Variants in SLC25A13 observed in about 807,000 individuals in gnomAD.
The protein encoded by SLC25A13 is electrogenic aspartate/glutamate antiporter SLC25A13, mitochondrial.
SLC25A13 carries 70 observed loss-of-function variants against 85.5 expected under a neutral mutation model. That is an observed-to-expected ratio of 0.82 (90% confidence interval 0.68 to 1.00). SLC25A13 has a LOEUF of 1.00. SLC25A13 is among the 50% of genes least tolerant of loss of function. SLC25A13 has a pLI of 0.00. For synonymous variants in SLC25A13, 259 were observed against 288.7 expected (o/e 0.90, Z 1.04); for missense variants, 765 against 819.8 (o/e 0.93, Z 0.82).
In SLC25A13 at chr7:96,191,369, CTA is replaced by C. The variant is rs1311219740; in HGVS notation, c.616-124_616-123del. The C allele has an allele frequency of 3.8e-6, 4 of 1,044,966 alleles. No homozygotes were observed. The Admixed American group carries it at 1.0e-4, about 26-fold the overall frequency. 64.7% of individuals were successfully genotyped at this position (1,044,966 alleles called of 1,614,324 possible). ...AAAATGCATGTACAAGAAGAAATGA[CTA>C]TAAGTATTTTTCTTTTGCATTAAAA... On this transcript the variant is annotated intron_variant, in intron 6 of 17. Transcript: ENST00000265631.
chr7:96,227,578 C>T (rs1796369137), intron 4 of SLC25A13, among the ~76,000 whole-genome samples: 2 of 152,036 alleles, frequency 1.3e-5, no homozygotes, highest in South Asian at 4.1e-4. Context: ...GGAGAATATA[C>T]AATAATGTAA....
rs914864953 is a variant in SLC25A13 at position 96,321,925 on chromosome 7, C to G, written c.15+17G>C. On this transcript the variant is annotated intron_variant, in intron 1 of 17. Transcript: ENST00000265631. ...ATCCGGCAGGCGCGCTCCCCCCGGC[C>G]TCGGGCCCGCGGTTACCTTGGCGGC... The G allele has an allele frequency of 2.6e-6, 4 of 1,530,562 alleles. No individual in the cohort carries two copies. In the African/African-American group the frequency reaches 4.3e-5, roughly 16 times the overall value. The allele number at this position is 1,530,562 out of a possible 1,614,324, so 94.8% of individuals were successfully genotyped here.
intron 11 of SLC25A13, among the ~76,000 whole-genome samples, chr7:96,172,916 G>A (rs1294815436): frequency 2.0e-5 from 3 of 152,088 alleles, no homozygotes; most frequent in African/African-American, 7.2e-5. Context: ...CTGCCACCAC[G>A]CCCGGCTAAT....
At chr7:96,315,413 T>G (rs1168115842) in intron 1 of SLC25A13, among the ~76,000 whole-genome samples, 1 of 152,204 alleles carries the variant, frequency 6.6e-6, no homozygotes, top group Non-Finnish European at 1.5e-5. Context: ...CAGTTTTTTA[T>G]ACCAGTCCAG....
intron 1 of SLC25A13, among the ~76,000 whole-genome samples, chr7:96,298,487 G>A (rs1439255998): frequency 1.3e-5 from 2 of 151,818 alleles, no homozygotes; most frequent in African/African-American, 2.4e-5. Flanking sequence ...AGGCTGGAGT[G>A]CAATGATGCA....
intron 4 of SLC25A13, among the ~76,000 whole-genome samples, chr7:96,227,846 C>A (rs1438821111): frequency 6.6e-6 from 1 of 152,094 alleles, no homozygotes; most frequent in Non-Finnish European, 1.5e-5. Flanking sequence ...ATCTTCCTGA[C>A]CCGGAGGAAA....
At chr7:96,254,501 C>T (rs546169034) in intron 3 of SLC25A13, among the ~76,000 whole-genome samples, 2 of 152,144 alleles carry the variant, frequency 1.3e-5, no homozygotes, top group African/African-American at 4.8e-5. Flanking sequence ...TAATAAATGT[C>T]TTCATTTATT....
intron 11 of SLC25A13, among the ~76,000 whole-genome samples, chr7:96,182,655 C>T (rs1439755246): frequency 6.6e-6 from 1 of 152,204 alleles, no homozygotes; most frequent in Admixed American, 6.5e-5. Flanking sequence ...TACTCAGGCA[C>T]ACTTCTAGTT....
At chr7:96,204,116 A>C (rs144855381) in intron 5 of SLC25A13, among the ~76,000 whole-genome samples, 6 of 152,330 alleles carry the variant, frequency 3.9e-5, no homozygotes, top group African/African-American at 1.4e-4. Context: ...ATTACTGGTA[A>C]ATGCAAAATT....
chr7:96,219,432 G>A (rs1796019233), intron 4 of SLC25A13, among the ~76,000 whole-genome samples: 1 of 152,154 alleles, frequency 6.6e-6, no homozygotes, highest in Non-Finnish European at 1.5e-5. Context: ...GATGGAACTA[G>A]CCTGAGTTAA....
At chr7:96,321,672 G>A (rs1800350108) in intron 1 of SLC25A13, among the ~76,000 whole-genome samples, 1 of 152,132 alleles carries the variant, frequency 6.6e-6, no homozygotes, top group Non-Finnish European at 1.5e-5. Flanking sequence ...GCTCAGCCCC[G>A]TCAGGCACCA....
At chr7:96,122,046 A>G (rs757594753) in intron 15 of SLC25A13, 49 bp from the exon 16 acceptor site, 1 of 1,610,958 alleles carries the variant, frequency 6.2e-7, no homozygotes, top group South Asian at 1.1e-5. Context: ...TTCTCACTAT[A>G]TAAAAATAAC....
intron 4 of SLC25A13, among the ~76,000 whole-genome samples, chr7:96,219,202 G>C (rs533614003): frequency 6.6e-6 from 1 of 152,252 alleles, no homozygotes; most frequent in African/African-American, 2.4e-5. Context: ...ATAGTAAGTA[G>C]AGCATAAGTA....
At chr7:96,132,562 A>G (rs1216587276) in intron 14 of SLC25A13, among the ~76,000 whole-genome samples, 1 of 152,200 alleles carries the variant, frequency 6.6e-6, no homozygotes, top group Non-Finnish European at 1.5e-5. Flanking sequence ...TCTTCAACAA[A>G]TAGTTTCTGT....
At chr7:96,314,839 CT>C (rs1800072966) in intron 1 of SLC25A13, among the ~76,000 whole-genome samples, 1 of 152,146 alleles carries the variant, frequency 6.6e-6, no homozygotes, top group Non-Finnish European at 1.5e-5. Context: ...CTTTTTTACG[CT>C]ACATATCACC....
At position 96,121,111 on chromosome 7, in the gene SLC25A13, A is replaced by C. The variant is rs1473768910; in HGVS notation, c.*80T>G. On this transcript the variant is annotated 3_prime_UTR_variant, in exon 18 of 18. Transcript: ENST00000265631. ...ACAAGAGATGGACGTAAAAGGGATG[A>C]AGCATTGCTTCATTCCCAGGAGGGA... The C allele has an allele frequency of 2.8e-6, 4 of 1,454,368 alleles. No individual in the cohort carries two copies. Among genetic ancestry groups the C allele is most frequent in the Non-Finnish European group, 3.9e-6 (4 of 1,035,672 alleles). 90.1% of individuals were successfully genotyped at this position (1,454,368 alleles called of 1,614,324 possible).
At chr7:96,258,339 C>T (rs1007258227) in intron 3 of SLC25A13, among the ~76,000 whole-genome samples, 2 of 152,156 alleles carry the variant, frequency 1.3e-5, no homozygotes, top group African/African-American at 4.8e-5. Flanking sequence ...AGCCCAAAAC[C>T]TCCTTAAGCT....
At chr7:96,180,040 C>T (rs571502514) in intron 11 of SLC25A13, among the ~76,000 whole-genome samples, 4 of 152,292 alleles carry the variant, frequency 2.6e-5, no homozygotes, top group African/African-American at 9.6e-5. Context: ...TGAGATATCA[C>T]CACAACATCC....
chr7:96,127,470 C>A (rs1791777187), intron 15 of SLC25A13, among the ~76,000 whole-genome samples: 1 of 152,156 alleles, frequency 6.6e-6, no homozygotes, highest in Non-Finnish European at 1.5e-5. Flanking sequence ...CAAAACCCAA[C>A]ATTCTCTAGG....
Sources: gnomAD v4.1 joint callset for allele counts (sites outside exome capture counted in the v4.1 genomes callset) on GRCh38, gnomAD v4.1.1 for gene constraint, MANE v1.5 for transcripts, NCBI Gene and HGNC (gene_info 2026-07-23, HGNC 2026-07-21) for gene names.